The following TNRC6B variants were observed in gnomAD, a reference collection of about 807,000 sequenced individuals.
TNRC6B encodes the protein trinucleotide repeat-containing gene 6B protein.
In TNRC6B, 52 loss-of-function variants were observed where a neutral mutation model predicts 203.6. The observed-to-expected ratio is 0.26, with a 90% confidence interval of 0.20 to 0.32. The LOEUF (loss-of-function observed/expected upper bound fraction) is 0.32, where lower values mean the gene tolerates loss of function less well. Among genes scored for constraint, TNRC6B ranks in the 10% least tolerant of loss-of-function variants. The pLI, the probability that TNRC6B is intolerant of heterozygous loss-of-function variation, is 1.00. For missense variants in TNRC6B, 1,923 were observed against 2,286.2 expected, an observed-to-expected ratio of 0.84 and a Z score of 3.24; for synonymous variants, 838 against 845.7, an observed-to-expected ratio of 0.99 and a Z score of 0.16.
chr22:40,051,832 A>C (rs2067747992), intron 1 of TNRC6B, among the ~76,000 whole-genome samples: 1 of 152,248 alleles, frequency 6.6e-6, no homozygotes, highest in Admixed American at 6.5e-5. Flanking sequence ...CAGTATATCC[A>C]AAATATTAAC....
chr22:40,296,158 C>T (rs1293819009), intron 12 of TNRC6B, among the ~76,000 whole-genome samples: 1 of 152,002 alleles, frequency 6.6e-6, no homozygotes, highest in African/African-American at 2.4e-5. Flanking sequence ...CCCAGAGTCA[C>T]CGTAATGGGG....
intron 9 of TNRC6B, among the ~76,000 whole-genome samples, chr22:40,279,715 C>T (rs1247181362): frequency 6.6e-6 from 1 of 152,170 alleles, no homozygotes; most frequent in African/African-American, 2.4e-5. Flanking sequence ...CAGGTTATCC[C>T]TAAGGCTCTT....
At chr22:40,315,542 C>A in intron 20 of TNRC6B, 35 bp downstream of exon 20, 1 of 1,601,094 alleles carries the variant, frequency 6.2e-7, no homozygotes, top group South Asian at 1.1e-5. Flanking sequence ...CACCATTGTT[C>A]ATCCACAAGG....
chr22:40,254,617 G>A (rs2070241308), intron 3 of TNRC6B, among the ~76,000 whole-genome samples: 1 of 152,246 alleles, frequency 6.6e-6, no homozygotes, highest in African/African-American at 2.4e-5. Context: ...GCCGAGCGCG[G>A]TGGCTCACGC....
At chr22:40,050,163 G>C (rs1601783809) in intron 1 of TNRC6B, among the ~76,000 whole-genome samples, 1 of 152,230 alleles carries the variant, frequency 6.6e-6, no homozygotes, top group East Asian at 1.9e-4. Flanking sequence ...CTGCCCCTTT[G>C]CTACCAAGCC....
chr22:40,166,464 C>T (rs899361849), intron 4 of TNRC6B, among the ~76,000 whole-genome samples: 1 of 148,550 alleles, frequency 6.7e-6, no homozygotes, highest in Non-Finnish European at 1.5e-5. Flanking sequence ...ACTCTTTGAT[C>T]ATCCCTCCCT....
intron 1 of TNRC6B, among the ~76,000 whole-genome samples, chr22:40,058,627 T>C (rs994295974): frequency 6.6e-6 from 1 of 152,218 alleles, no homozygotes; most frequent in Non-Finnish European, 1.5e-5. Context: ...CTTGGGCTTA[T>C]CATTCAGGGT....
At chr22:40,278,419 A>T (rs747210670) in intron 9 of TNRC6B, among the ~76,000 whole-genome samples, 4 of 152,070 alleles carry the variant, frequency 2.6e-5, no homozygotes, top group Non-Finnish European at 5.9e-5. Context: ...TTAGCTGGGC[A>T]TGGTGTGGCG....
At position 40,328,173 on chromosome 22, in the gene TNRC6B, A is replaced by C. The variant is rs2071425687; in HGVS notation, c.*4932A>C. 1.3e-5 allele frequency: 2 copies of C among 152,242 alleles called. No individual in the cohort carries two copies. The highest frequency in any genetic ancestry group is 4.1e-4 in the South Asian group (2 of 4,838). 9.4% of individuals were successfully genotyped at this position (152,242 alleles called of 1,614,324 possible). On this transcript the variant is annotated 3_prime_UTR_variant, in exon 23 of 23. Transcript: ENST00000454349. ...TTACAACATTCATAGGAGTTAACTT[A>C]GCAGTGTTGCAAGTTAAGGTTCCAA...
chr22:40,075,612 ATT>A (rs1482478411), intron 1 of TNRC6B, among the ~76,000 whole-genome samples: 1 of 151,932 alleles, frequency 6.6e-6, no homozygotes, highest in Non-Finnish European at 1.5e-5. Flanking sequence ...GACCACTTAC[ATT>A]TATGTCATTT....
intron 7 of TNRC6B, 25 bp downstream of exon 7, chr22:40,273,625 C>A: frequency 6.5e-7 from 1 of 1,539,324 alleles, no homozygotes; most frequent in Admixed American, 2.1e-5. Flanking sequence ...AATGTTCGCA[C>A]TTGCTCATTC....
intron 16 of TNRC6B, among the ~76,000 whole-genome samples, chr22:40,309,556 ATC>A (rs1442244495): frequency 6.6e-6 from 1 of 152,174 alleles, no homozygotes; most frequent in Non-Finnish European, 1.5e-5. Flanking sequence ...AAATTGTAAA[ATC>A]TGTTTGTGGA....
At chr22:40,229,745 C>G (rs544451702) in intron 1 of TNRC6B, among the ~76,000 whole-genome samples, 2 of 152,118 alleles carry the variant, frequency 1.3e-5, no homozygotes, top group African/African-American at 2.4e-5. Flanking sequence ...TTCTTTTACT[C>G]AACATAGTTA....
At chr22:40,286,891 A>G (rs2070791782) in intron 12 of TNRC6B, among the ~76,000 whole-genome samples, 1 of 152,186 alleles carries the variant, frequency 6.6e-6, no homozygotes, top group African/African-American at 2.4e-5. Flanking sequence ...CCCTCCTTAG[A>G]ATGTTATTTT....
intron 1 of TNRC6B, among the ~76,000 whole-genome samples, chr22:40,093,409 T>C (rs2068164358): frequency 6.6e-6 from 1 of 152,178 alleles, no homozygotes; most frequent in Non-Finnish European, 1.5e-5. Flanking sequence ...TTTGAAGACA[T>C]TTTCCAAAAT....
chr22:40,318,258 C>T (rs1008441173), intron 21 of TNRC6B, among the ~76,000 whole-genome samples: 4 of 152,098 alleles, frequency 2.6e-5, no homozygotes, highest in Non-Finnish European at 5.9e-5. Context: ...CTCAAAGTTC[C>T]AAGTTACGGC....
At chr22:40,270,678 G>A (rs145524314) in intron 6 of TNRC6B, among the ~76,000 whole-genome samples, 4 of 152,214 alleles carry the variant, frequency 2.6e-5, no homozygotes, top group African/African-American at 9.6e-5. Flanking sequence ...TTTGGTGAGG[G>A]CTGTTTAGTT....
intron 7 of TNRC6B, among the ~76,000 whole-genome samples, chr22:40,273,809 C>G (rs181653212): frequency 3.3e-5 from 5 of 152,156 alleles, no homozygotes; most frequent in Admixed American, 3.3e-4. Flanking sequence ...TATCACCATG[C>G]CTGGCTAAAT....
chr22:40,272,973 A>G (rs1428954087), intron 6 of TNRC6B, among the ~76,000 whole-genome samples: 1 of 152,232 alleles, frequency 6.6e-6, no homozygotes, highest in Non-Finnish European at 1.5e-5. Context: ...CAAGCAAGCT[A>G]GACAGTTGTC....
Sources: allele counts gnomAD v4.1 joint callset (sites outside exome capture counted in the v4.1 genomes callset), GRCh38; gene constraint gnomAD v4.1.1; transcripts MANE v1.5; gene names NCBI Gene and HGNC (gene_info 2026-07-23, HGNC 2026-07-21).